Variants in ATG4C observed in about 807,000 individuals in gnomAD.
ATG4C encodes cysteine protease ATG4C.
ATG4C carries 56 observed loss-of-function variants against 57.6 expected under a neutral mutation model. That is an observed-to-expected ratio of 0.97 (90% CI 0.78 to 1.21). ATG4C has a LOEUF of 1.21. Ranked by LOEUF, ATG4C falls within the 50% of genes most tolerant of loss-of-function variation. The pLI is 0.00. For synonymous variants in ATG4C, 157 were observed against 174.1 expected (o/e 0.90, Z 0.78); for missense variants, 595 against 529.8 (o/e 1.12, Z -1.21).
chr1:62,807,520 A>G (rs1403205001), intron 3 of ATG4C, among the ~76,000 whole-genome samples: 2 of 152,130 alleles, frequency 1.3e-5, no homozygotes, highest in Non-Finnish European at 2.9e-5. Flanking sequence ...GGAAGAGGAG[A>G]TTGAGTTGAT....
rs1553221617 is a variant in ATG4C, at chr1:62,793,618, A to AAAAAAAAAAAAC, written c.-69+9347_-69+9348insAAAAAAAAACAA. Reference sequence around the variant, plus strand: ...TCTCGAAAAAAAAAAAAAAAAAAAAAAACCAAAAAAACAAACAAAAAACCA... The same window carrying AAAAAAAAAAAAC: ...TCTCGAAAAAAAAAAAAAAAAAAAAAAAAAAAAAAAACAACCAAAAAAACAAACAAAAAACCA... On this transcript the variant is annotated intron_variant, in intron 1 of 10. Transcript: ENST00000317868. Among the ~76,000 whole-genome samples, 23 of 104,046 alleles carry AAAAAAAAAAAAC rather than the reference A, an allele frequency of 2.2e-4. 1 individual carries two copies. The highest frequency in any genetic ancestry group is 6.3e-4 in the South Asian group (2 of 3,172). 68.3% of individuals were successfully genotyped at this position (104,046 alleles called of 152,430 possible). A position where few individuals can be genotyped will look rare whatever the true frequency, so the allele number is the denominator to read the frequency against.
chr1:62,796,620 C>T lies in ATG4C; in HGVS notation c.-68-7099C>T, dbSNP rs116331233. Among the ~76,000 whole-genome samples, 1,129 of 152,202 alleles carry T rather than the reference C, an allele frequency of 7.4e-3. 13 individuals carry two copies. Among genetic ancestry groups the T allele is most frequent in the African/African-American group, 0.026 (1,061 of 41,532 alleles). On this transcript the variant is annotated intron_variant, in intron 1 of 10. Coordinates refer to ENST00000317868, the MANE Select transcript of ATG4C (RefSeq NM_032852.4). ...ATATCTTCTCTGTCAATTTTCTAGT[C>T]CAGCAGTTTCAGTTGTATTGTTAGA...
chr1:62,834,767 TC>T lies in ATG4C; in HGVS notation c.1013-7del. 2 of 1,607,636 alleles carry T rather than the reference TC, an allele frequency of 1.2e-6. No homozygotes were observed. The highest frequency in any genetic ancestry group is 1.7e-6 in the Non-Finnish European group (2 of 1,174,846). ...TTTGAATTACTTGTCTTCTGTTTTG[TC>T]CTTGTAGATGACAGTTTGATTTACA... On this transcript the variant is annotated splice_polypyrimidine_tract_variant and splice_region_variant and intron_variant, in intron 8 of 10. Coordinates refer to ENST00000317868, the MANE Select transcript of ATG4C (RefSeq NM_032852.4).
intron 10 of ATG4C, among the ~76,000 whole-genome samples, chr1:62,845,422 A>G (rs1666297632): frequency 6.6e-6 from 1 of 151,462 alleles, no homozygotes; most frequent in African/African-American, 2.4e-5. Context: ...CTTTTTCTCT[A>G]TTTTTTTATA....
intron 10 of ATG4C, among the ~76,000 whole-genome samples, chr1:62,859,333 T>G (rs1278869906): frequency 1.3e-5 from 2 of 152,216 alleles, no homozygotes; most frequent in Non-Finnish European, 2.9e-5. Flanking sequence ...ATATTCAAAC[T>G]GTATAGCCTG....
At chr1:62,798,649 G>GT (rs759176582) in intron 1 of ATG4C, among the ~76,000 whole-genome samples, 297 of 142,896 alleles carry the variant, frequency 2.1e-3, no homozygotes, top group Middle Eastern at 3.5e-3. Flanking sequence ...TTTAATATTT[G>GT]TTTTTTTTTT....
At chr1:62,797,311 A>G (rs4457613) in intron 1 of ATG4C, among the ~76,000 whole-genome samples, 22,021 of 152,158 alleles carry the variant, frequency 0.14, 1,696 homozygotes, top group South Asian at 0.2. Flanking sequence ...TAATTATAAT[A>G]TGTATATGCC....
At chr1:62,804,234 G>T (rs1285101591) in intron 2 of ATG4C, among the ~76,000 whole-genome samples, 1 of 151,508 alleles carries the variant, frequency 6.6e-6, no homozygotes, top group Non-Finnish European at 1.5e-5. Flanking sequence ...CTACAGGTGC[G>T]CACTACCACA....
Position 62,832,612 on chromosome 1 carries a change from A to G in ATG4C, c.934-1426A>G, listed in dbSNP as rs186070134. 7.7e-4 allele frequency among the ~76,000 whole-genome samples: 118 copies of G among 152,260 alleles called. 1 individual carries two copies. The highest frequency in any genetic ancestry group is 6.0e-3 in the South Asian group (29 of 4,826). On this transcript the variant is annotated intron_variant, in intron 7 of 10. Transcript: ENST00000317868. The stretch of plus-strand genomic sequence containing the variant: ...GCTCTAAGATTTTAACCTGATATTC[A>G]TGCAAGCTCTGCCCTCATGACCTAA...
chr1:62,795,921 A>G, intron 1 of ATG4C, among the ~76,000 whole-genome samples: 1 of 150,952 alleles, frequency 6.6e-6, no homozygotes. Flanking sequence ...AATAGTTTGG[A>G]AATTGTGAAG....
At chr1:62,817,528 G>T (rs1665320143) in intron 4 of ATG4C, among the ~76,000 whole-genome samples, 1 of 151,964 alleles carries the variant, frequency 6.6e-6, no homozygotes, top group South Asian at 2.1e-4. Flanking sequence ...AAATTTTTTT[G>T]TAGAGATGTG....
chr1:62,846,446 A>C (rs1666327672), intron 10 of ATG4C, among the ~76,000 whole-genome samples: 1 of 152,142 alleles, frequency 6.6e-6, no homozygotes, highest in East Asian at 1.9e-4. Context: ...TATAGCTTTA[A>C]ATATCAGTTA....
At chr1:62,792,534 G>A (rs1274331155) in intron 1 of ATG4C, among the ~76,000 whole-genome samples, 1 of 152,150 alleles carries the variant, frequency 6.6e-6, no homozygotes, top group Non-Finnish European at 1.5e-5. Context: ...ACAGAAACTT[G>A]GTTCCACATA....
chr1:62,827,483 A>T (rs934126630), intron 6 of ATG4C, among the ~76,000 whole-genome samples: 2 of 151,356 alleles, frequency 1.3e-5, no homozygotes, highest in Non-Finnish European at 2.9e-5. Context: ...TTTCCTGTTC[A>T]CTCTTCTCTC....
intron 9 of ATG4C, among the ~76,000 whole-genome samples, chr1:62,838,607 G>A (rs1469994947): frequency 2.0e-5 from 3 of 151,848 alleles, no homozygotes; most frequent in African/African-American, 4.8e-5. Flanking sequence ...GTGAAACCCC[G>A]TCTCTACTAA....
At chr1:62,809,586 A>G (rs1665002837) in intron 3 of ATG4C, among the ~76,000 whole-genome samples, 1 of 147,034 alleles carries the variant, frequency 6.8e-6, no homozygotes, top group South Asian at 2.1e-4. Flanking sequence ...TATATAATAT[A>G]CTAATGTAAT....
intron 5 of ATG4C, among the ~76,000 whole-genome samples, chr1:62,820,343 C>T (rs780325804): frequency 6.6e-6 from 1 of 151,946 alleles, no homozygotes; most frequent in Non-Finnish European, 1.5e-5. Context: ...CCCTCCAGTC[C>T]CTTAAAACTG....
chr1:62,828,958 G>A (rs1665753925), intron 6 of ATG4C, 82 bp from the exon 7 acceptor site: 1 of 1,281,436 alleles, frequency 7.8e-7, no homozygotes, highest in Non-Finnish European at 1.1e-6. Context: ...CCATTGCGGG[G>A]TGGAGGATAA....
intron 9 of ATG4C, among the ~76,000 whole-genome samples, chr1:62,836,297 T>C (rs1321671957): frequency 6.6e-6 from 1 of 152,090 alleles, no homozygotes; most frequent in African/African-American, 2.4e-5. Flanking sequence ...CTGTGTAAGG[T>C]AAAATTTGTT....
Sources: gnomAD v4.1 joint callset for allele counts (sites outside exome capture counted in the v4.1 genomes callset) on GRCh38, gnomAD v4.1.1 for gene constraint, MANE v1.5 for transcripts, NCBI Gene and HGNC (gene_info 2026-07-23, HGNC 2026-07-21) for gene names.